Variants in ARHGAP32 observed in about 807,000 individuals in gnomAD.
The protein encoded by ARHGAP32 is Rho GTPase activating protein 32.
Under a neutral mutation model 186.5 loss-of-function variants are expected in ARHGAP32, and 51 were observed. The observed-to-expected ratio is 0.27, with a 90% CI of 0.22 to 0.35. ARHGAP32 has a LOEUF of 0.35. ARHGAP32 is among the 10% of genes least tolerant of loss of function. ARHGAP32 has a pLI of 1.00. For synonymous variants in ARHGAP32, 950 were observed against 964.3 expected, an observed-to-expected ratio of 0.99 and a Z score of 0.27; for missense variants, 2,186 against 2,623.5, an observed-to-expected ratio of 0.83 and a Z score of 3.64.
At chr11:129,054,604 T>G (rs2135099443) in intron 10 of ARHGAP32, among the ~76,000 whole-genome samples, 1 of 152,112 alleles carries the variant, frequency 6.6e-6, no homozygotes, top group African/African-American at 2.4e-5. Context: ...GAAAAAAGGG[T>G]TTTCTGAGGT....
rs146887387 is a variant in ARHGAP32 at position 129,041,558 on chromosome 11, G to A, written c.964-549C>T. Among the ~76,000 whole-genome samples, 184 of 151,454 alleles carry A rather than the reference G, an allele frequency of 1.2e-3. 1 individual carries two copies. The highest frequency in any genetic ancestry group is 4.3e-3 in the African/African-American group (176 of 41,292). On this transcript the variant is annotated intron_variant, in intron 10 of 22. Transcript: ENST00000682385. ...AAATAATCTCTCATTTAAAATCCTG[G>A]TATTCACTGCTTTTAAAAACTAGTA...
intron 1 of ARHGAP32, among the ~76,000 whole-genome samples, chr11:129,237,359 C>A (rs1028104333): frequency 2.0e-5 from 3 of 152,130 alleles, no homozygotes; most frequent in Non-Finnish European, 4.4e-5. Flanking sequence ...ATTTACTGGT[C>A]ATTTGTTACA....
chr11:129,127,019 T>C (rs1565435100), intron 2 of ARHGAP32, among the ~76,000 whole-genome samples: 1 of 152,202 alleles, frequency 6.6e-6, no homozygotes, highest in Non-Finnish European at 1.5e-5. Flanking sequence ...TAAAAAAGAA[T>C]CCACTAGACT....
intron 10 of ARHGAP32, among the ~76,000 whole-genome samples, chr11:129,047,205 G>A (rs978317210): frequency 5.3e-5 from 8 of 151,978 alleles, no homozygotes; most frequent in East Asian, 3.9e-4. Context: ...CACTGTTGGC[G>A]TAGCCAAACA....
chr11:129,191,931 T>C (rs1479478724), intron 1 of ARHGAP32, among the ~76,000 whole-genome samples, 152 bp downstream of exon 1: 1 of 152,020 alleles, frequency 6.6e-6, no homozygotes, highest in Non-Finnish European at 1.5e-5. Flanking sequence ...GAGTGCTATA[T>C]ACAACTCAAA....
chr11:128,983,097 T>C (rs1461491601), intron 15 of ARHGAP32, among the ~76,000 whole-genome samples: 4 of 152,020 alleles, frequency 2.6e-5, no homozygotes, highest in Non-Finnish European at 4.4e-5. Context: ...TTACCAGCAG[T>C]CTCATTTAAT....
intron 2 of ARHGAP32, among the ~76,000 whole-genome samples, chr11:129,139,200 T>C (rs1942996860): frequency 6.6e-6 from 1 of 152,056 alleles, no homozygotes; most frequent in Non-Finnish European, 1.5e-5. Flanking sequence ...TAATTCCCTA[T>C]AAAATAATAG....
rs1399434078 is a variant in ARHGAP32, at chr11:128,998,479, A to G, written c.1046-11T>C. ...CGTGCTTTTTAGACACTAAAAATCA[A>G]TAAAGAGAAAAGATCTTAGTTGTGG... On this transcript the variant is annotated splice_polypyrimidine_tract_variant and intron_variant, in intron 11 of 22. Transcript: ENST00000682385. The G allele has an allele frequency of 3.9e-6, 6 of 1,528,234 alleles. No individual in the cohort carries two copies. The highest frequency in any genetic ancestry group is 5.3e-6 in the Non-Finnish European group (6 of 1,131,164). 94.7% of individuals were successfully genotyped at this position (1,528,234 alleles called of 1,614,324 possible).
At chr11:129,189,667 G>A (rs1349301110) in intron 1 of ARHGAP32, among the ~76,000 whole-genome samples, 2 of 152,154 alleles carry the variant, frequency 1.3e-5, no homozygotes, top group Non-Finnish European at 2.9e-5. Flanking sequence ...AGATCTGTGA[G>A]TCAATGGCAG....
intron 10 of ARHGAP32, among the ~76,000 whole-genome samples, chr11:129,060,819 T>TA (rs55948818): frequency 0.6 from 91,464 of 151,850 alleles, 28,436 homozygotes; most frequent in Non-Finnish European, 0.69. Context: ...TAAAAAAAAA[T>TA]TATACATCAG....
intron 11 of ARHGAP32, among the ~76,000 whole-genome samples, chr11:129,023,084 C>G (rs184065944): frequency 6.6e-6 from 1 of 151,996 alleles, no homozygotes; most frequent in Admixed American, 6.6e-5. Flanking sequence ...AATGTTCAAC[C>G]TCTGTTAAGA....
intron 6 of ARHGAP32, among the ~76,000 whole-genome samples, chr11:129,082,294 C>A (rs1019945251): frequency 6.6e-6 from 1 of 151,966 alleles, no homozygotes; most frequent in Non-Finnish European, 1.5e-5. Flanking sequence ...CCCACATAAC[C>A]AAAGCAAGAC....
intron 5 of ARHGAP32, among the ~76,000 whole-genome samples, chr11:129,122,892 T>A (rs78879208): frequency 2.0e-4 from 30 of 152,228 alleles, no homozygotes; most frequent in African/African-American, 6.7e-4. Flanking sequence ...AACCACAATC[T>A]AGCTATTTTT....
At chr11:129,085,563 C>T (rs1036390430) in intron 6 of ARHGAP32, among the ~76,000 whole-genome samples, 1 of 152,122 alleles carries the variant, frequency 6.6e-6, no homozygotes, top group Non-Finnish European at 1.5e-5. Context: ...CAATACAATT[C>T]CAGTCAAAAT....
intron 2 of ARHGAP32, among the ~76,000 whole-genome samples, chr11:129,160,542 C>G (rs1023553909): frequency 3.3e-5 from 5 of 151,788 alleles, no homozygotes; most frequent in African/African-American, 9.7e-5. Context: ...GATAAAATAC[C>G]TAGGATGATG....
intron 2 of ARHGAP32, among the ~76,000 whole-genome samples, chr11:129,141,612 A>G (rs1943054427): frequency 6.7e-6 from 1 of 148,256 alleles, no homozygotes; most frequent in Admixed American, 6.8e-5. Context: ...CCTAGAACTT[A>G]AAGTATAATT....
At chr11:129,152,949 G>A (rs533648668) in intron 2 of ARHGAP32, among the ~76,000 whole-genome samples, 11 of 152,168 alleles carry the variant, frequency 7.2e-5, no homozygotes, top group Admixed American at 1.3e-4. Context: ...TCAAACTGTC[G>A]CTGTTTGCTG....
chr11:129,226,456 T>C (rs1275696848), intron 1 of ARHGAP32, among the ~76,000 whole-genome samples: 1 of 152,118 alleles, frequency 6.6e-6, no homozygotes, highest in Non-Finnish European at 1.5e-5. Context: ...GGCAGTAGAA[T>C]TACGTATTCA....
chr11:129,105,978 G>T (rs1163004783), intron 5 of ARHGAP32, among the ~76,000 whole-genome samples: 2 of 152,072 alleles, frequency 1.3e-5, no homozygotes. Context: ...GGGGCCAAAA[G>T]GTACAATAAC....
Sources: gnomAD v4.1 joint callset for allele counts (sites outside exome capture counted in the v4.1 genomes callset) on GRCh38, gnomAD v4.1.1 for gene constraint, MANE v1.5 for transcripts, NCBI Gene and HGNC (gene_info 2026-07-23, HGNC 2026-07-21) for gene names.